The following RAD51C variants were observed in gnomAD, a reference collection of about 807,000 sequenced individuals.
The protein encoded by RAD51C is DNA repair protein RAD51 homolog 3.
Under a neutral mutation model 45.0 loss-of-function variants are expected in RAD51C, and 42 were observed. That is an observed-to-expected ratio of 0.93 (90% CI 0.73 to 1.21). RAD51C has a LOEUF of 1.21. Among genes scored for constraint, RAD51C ranks in the 50% most tolerant of loss-of-function variants. The pLI is 0.00. For synonymous variants in RAD51C, 172 were observed against 159.8 expected, an observed-to-expected ratio of 1.08 and a Z score of -0.58; for missense variants, 474 against 452.2, an observed-to-expected ratio of 1.05 and a Z score of -0.44.
intron 5 of RAD51C, among the ~76,000 whole-genome samples, chr17:58,715,136 A>C (rs936578194): frequency 2.8e-5 from 4 of 143,696 alleles, no homozygotes; most frequent in Non-Finnish European, 4.5e-5. Flanking sequence ...TTATTAAAAA[A>C]AAAAAAACAA....
intron 3 of RAD51C, among the ~76,000 whole-genome samples, chr17:58,701,888 A>G (rs556260937): frequency 1.1e-4 from 16 of 151,990 alleles, no homozygotes; most frequent in East Asian, 7.8e-4. Flanking sequence ...TAAACATCCA[A>G]TCTAAGAAAG....
chr17:58,702,909 A>T (rs1372175060), intron 3 of RAD51C, among the ~76,000 whole-genome samples: 3 of 152,140 alleles, frequency 2.0e-5, no homozygotes, highest in Admixed American at 2.0e-4. Context: ...GACGGATAGC[A>T]TTAGGAGATA....
Position 58,692,608 on chromosome 17 carries a change from AG to A in RAD51C, c.-35del, listed in dbSNP as rs1064795669. On this transcript the variant is annotated 5_prime_UTR_variant, in exon 1 of 9. Transcript: ENST00000337432. The stretch of plus-strand genomic sequence containing the variant: ...CGCACGCCCCAGCGAGGGCGTGCGG[AG>A]TTTGGCTGCTCCGGGGTTAGCAGGT... 3 of 1,612,544 alleles carry A rather than the reference AG, an allele frequency of 1.9e-6. No individual in the cohort carries two copies. In the East Asian group the frequency reaches 6.7e-5, roughly 36 times the overall value.
intron 6 of RAD51C, 83 bp downstream of exon 6, chr17:58,720,895 C>A: frequency 8.6e-7 from 1 of 1,157,382 alleles, no homozygotes; most frequent in Non-Finnish European, 1.3e-6. Flanking sequence ...GTACTATACG[C>A]TTCATGAAAG....
At chr17:58,703,617 A>C (rs1309986717) in intron 4 of RAD51C, among the ~76,000 whole-genome samples, 3 of 152,174 alleles carry the variant, frequency 2.0e-5, no homozygotes, top group Non-Finnish European at 4.4e-5. Context: ...ATGAAATGAA[A>C]AATAAAAACT....
chr17:58,694,882 CTT>C, intron 1 of RAD51C, 47 bp from the exon 2 acceptor site: 2 of 1,479,368 alleles, frequency 1.4e-6, no homozygotes, highest in South Asian at 1.1e-5. Flanking sequence ...TCATGTTACA[CTT>C]TTAAATCTCT....
chr17:58,707,523 A>G (rs969989520), intron 4 of RAD51C, among the ~76,000 whole-genome samples: 8 of 147,168 alleles, frequency 5.4e-5, no homozygotes, highest in Non-Finnish European at 1.2e-4. Context: ...CTCCATCTGA[A>G]AAAAAAAAAA....
At chr17:58,694,751 A>G in intron 1 of RAD51C, 180 bp from the exon 2 acceptor site, 1 of 676,146 alleles carries the variant, frequency 1.5e-6, no homozygotes, top group Non-Finnish European at 2.5e-6. Flanking sequence ...CTGGGATTTT[A>G]GGCATGAGCC....
chr17:58,721,509 CA>C (rs1231631554), intron 6 of RAD51C, among the ~76,000 whole-genome samples: 58 of 152,122 alleles, frequency 3.8e-4, no homozygotes, highest in African/African-American at 1.3e-3. Context: ...CCTGTAATCT[CA>C]GCACTTTGGG....
rs537660291 is a variant in RAD51C at position 58,716,957 on chromosome 17, C to A, written c.838-3789C>A. Among the ~76,000 whole-genome samples the A allele has an allele frequency of 3.3e-5, 5 of 152,080 alleles. No homozygotes were observed. The East Asian group carries it at 5.9e-4, about 18-fold the overall frequency. ...CTGGGACTACAGGCACACACCACCA[C>A]GCCCGGCTAATTTTTTGTGTATTTT... On this transcript the variant is annotated intron_variant, in intron 5 of 8. Coordinates refer to ENST00000337432, the MANE Select transcript of RAD51C (RefSeq NM_058216.3).
intron 7 of RAD51C, among the ~76,000 whole-genome samples, chr17:58,729,439 G>A (rs1225573268): frequency 3.3e-5 from 5 of 152,024 alleles, no homozygotes; most frequent in Middle Eastern, 3.4e-3. Flanking sequence ...GGCTGGCCTC[G>A]AATTCTCGAC....
In RAD51C at chr17:58,696,844, A is replaced by G. The variant is rs1363104728; in HGVS notation, c.556A>G (p.Lys186Glu). Reference protein sequence around the residue: ...CIQHLQLIAEKHKGEEHRKAL... With the variant: ...CIQHLQLIAEEHKGEEHRKAL... ...TCAGCACCTTCAGCTTATAGCAGAAAAACACAAGGGAGAGGGTAAGTTAGT... is the reference window on the plus strand; with the variant it reads ...TCAGCACCTTCAGCTTATAGCAGAAGAACACAAGGGAGAGGGTAAGTTAGT... The change falls in exon 3 of 9, where the codon AAA (lysine) becomes GAA (glutamate). Residue 186 changes from lysine (K) to glutamate (E), a missense_variant. Physicochemically the swap from Lys to Glu is moderately conservative, Grantham distance 56 (BLOSUM62 1). Transcript: ENST00000337432. The G allele has an allele frequency of 6.2e-7, 1 of 1,614,176 alleles. No homozygotes were observed. Among genetic ancestry groups the G allele is most frequent in the South Asian group, 1.1e-5 (1 of 91,088 alleles).
At chr17:58,698,764 T>C (rs1383612468) in intron 3 of RAD51C, among the ~76,000 whole-genome samples, 2 of 151,052 alleles carry the variant, frequency 1.3e-5, no homozygotes, top group East Asian at 2.1e-4. Context: ...GTACTAAAAA[T>C]ACAAAAAATT....
intron 5 of RAD51C, among the ~76,000 whole-genome samples, chr17:58,716,013 G>T (rs1241010283): frequency 1.3e-5 from 2 of 151,186 alleles, no homozygotes; most frequent in African/African-American, 4.9e-5. Context: ...GCTGAGGCAG[G>T]AAACTCTCTT....
intron 3 of RAD51C, among the ~76,000 whole-genome samples, chr17:58,702,411 G>A (rs909052588): frequency 2.6e-5 from 4 of 152,024 alleles, no homozygotes; most frequent in African/African-American, 7.2e-5. Context: ...AGATCAGGTC[G>A]GGTGTGGTGG....
chr17:58,696,144 C>G (rs2047996941), intron 2 of RAD51C, among the ~76,000 whole-genome samples: 1 of 151,228 alleles, frequency 6.6e-6, no homozygotes, highest in Non-Finnish European at 1.5e-5. Flanking sequence ...TTAAAATATT[C>G]TTAATTGGCT....
intron 3 of RAD51C, among the ~76,000 whole-genome samples, chr17:58,698,837 G>A (rs1195268368): frequency 3.8e-4 from 57 of 149,912 alleles, no homozygotes; most frequent in African/African-American, 1.2e-3. Flanking sequence ...CAGGAGAATC[G>A]CTTGAACCCA....
rs534836351 is a variant in RAD51C at position 58,698,380 on chromosome 17, T to C, written c.571+1521T>C. Among the ~76,000 whole-genome samples the C allele has an allele frequency of 9.2e-5, 14 of 151,576 alleles. No individual in the cohort carries two copies. In the South Asian group the frequency reaches 2.9e-3, roughly 32 times the overall value. ...TTTGTATTTTTAGTAGAGACAGGGT[T>C]TCACTATGTTAGCCAGGATGGTCTC... On this transcript the variant is annotated intron_variant, in intron 3 of 8. Coordinates refer to ENST00000337432, the MANE Select transcript of RAD51C (RefSeq NM_058216.3).
intron 3 of RAD51C, among the ~76,000 whole-genome samples, chr17:58,699,164 G>A (rs1055639991): frequency 6.6e-6 from 1 of 151,580 alleles, no homozygotes; most frequent in Non-Finnish European, 1.5e-5. Flanking sequence ...GTGCCACAAT[G>A]CCCGGCTAAT....
Sources: allele counts gnomAD v4.1 joint callset (sites outside exome capture counted in the v4.1 genomes callset), GRCh38; gene constraint gnomAD v4.1.1; transcripts MANE v1.5; gene names NCBI Gene and HGNC (gene_info 2026-07-23, HGNC 2026-07-21).